MKI67: variants seen among roughly 807,000 people sequenced by gnomAD.
MKI67 encodes the protein marker of proliferation Ki-67, also known as proliferation marker protein Ki-67.
A neutral mutation model predicts 233.5 loss-of-function variants in MKI67; 152 were observed. That is an observed-to-expected ratio of 0.65 (90% CI 0.57 to 0.74). MKI67 has a LOEUF of 0.74. MKI67 is among the 30% of genes least tolerant of loss of function. MKI67 has a pLI of 0.00. For synonymous variants in MKI67, 1,465 were observed against 1,418.5 expected (o/e 1.03, Z -0.74); for missense variants, 3,940 against 3,885.2 (o/e 1.01, Z -0.37).
At position 128,099,030 on chromosome 10, in the gene MKI67, G is replaced by A. The variant is rs1444056706; in HGVS notation, c.*160C>T. The A allele has an allele frequency of 5.4e-6, 3 of 557,278 alleles. No individual in the cohort carries two copies. The highest frequency in any genetic ancestry group is 3.9e-5 in the African/African-American group (2 of 51,826). The allele number at this position is 557,278 out of a possible 1,614,324, so 34.5% of individuals were successfully genotyped here. On this transcript the variant is annotated 3_prime_UTR_variant, in exon 15 of 15. Transcript: ENST00000368654. Reference sequence around the variant, plus strand: ...GGAGCCCAGCAGTGCTCCCAGTGGAGTTTATGAAGCCGATTCAGACCCAGC... The same window carrying A: ...GGAGCCCAGCAGTGCTCCCAGTGGAATTTATGAAGCCGATTCAGACCCAGC...
At position 128,103,805 on chromosome 10, in the gene MKI67, G is replaced by A. The variant is rs999853188; in HGVS notation, c.8035C>T (p.Leu2679=). 2 of 1,613,974 alleles carry A rather than the reference G, an allele frequency of 1.2e-6. No homozygotes were observed. Among genetic ancestry groups the A allele is most frequent in the Non-Finnish European group, 1.7e-6 (2 of 1,179,996 alleles). ...TCAGAGAGCTCTGTGAAGCCGGCCA[G>A]GTCTTCCAGGGGTTGGGCCTTTTCC... ...PKEKAQPLED[L]AGFTELSETS... is the part of the protein sequence containing the mutation. The change falls in exon 13 of 15, where the codon CTG becomes TTG. Residue 2679 remains leucine, a synonymous_variant. Coordinates refer to ENST00000368654, the MANE Select transcript of MKI67 (RefSeq NM_002417.5).
At position 128,103,647 on chromosome 10, in the gene MKI67, T is replaced by C. The variant is rs1473147346; in HGVS notation, c.8193A>G (p.Val2731=). ...CTGCTGAAGGCTCTTCTTTTACTTG[T>C]ACCTTCTGCACACGTGTCCTGAGAT... ...KRHLRTRVQK[V]QVKEEPSAVK... Residue 2731 remains valine (V), a synonymous_variant, in exon 13 of 15, where the codon GTA becomes GTG. Transcript: ENST00000368654. 2 of 1,614,196 alleles carry C rather than the reference T, an allele frequency of 1.2e-6. No homozygotes were observed.
At chr10:128,101,752 C>T in intron 13 of MKI67, 51 bp from the exon 14 acceptor site, 1 of 1,425,058 alleles carries the variant, frequency 7.0e-7, no homozygotes, top group African/African-American at 1.4e-5. Context: ...GTAAAACAAA[C>T]TTCAAAATTC....
chr10:128,125,673 A>C lies in MKI67; in HGVS notation c.-6T>G, dbSNP rs763373863. The stretch of plus-strand genomic sequence containing the variant: ...AGGCGTCTCGTGGGCCACATTTTCT[A>C]AACAGTAAGTTGAGTATAATCCGTA... On this transcript the variant is annotated 5_prime_UTR_variant, in exon 2 of 15. Coordinates refer to ENST00000368654, the MANE Select transcript of MKI67 (RefSeq NM_002417.5). The surrounding 1 kb of genome is among the most constrained non-coding windows in gnomAD (Gnocchi z 5.3). 3.7e-6 allele frequency: 6 copies of C among 1,612,854 alleles called. No homozygotes were observed. The highest frequency in any genetic ancestry group is 2.5e-6 in the Non-Finnish European group (3 of 1,179,044).
intron 4 of MKI67, among the ~76,000 whole-genome samples, chr10:128,120,060 G>C (rs2136149655): frequency 6.6e-6 from 1 of 152,338 alleles, no homozygotes; most frequent in Admixed American, 6.5e-5. Context: ...TCATGGTAGA[G>C]AGTTTGGAAT....
chr10:128,103,663 G>C lies in MKI67; in HGVS notation c.8177C>G (p.Thr2726Arg). ...TTTTACTTGTACCTTCTGCACACGT[G>C]TCCTGAGATGCCTCTTTGTGCTTGC... The part of the protein sequence containing the change: ...TTASTKRHLR[T>R]RVQKVQVKEE... The change falls in exon 13 of 15, where the codon ACA becomes AGA. Residue 2726 changes from threonine (T) to arginine (R), a missense_variant. Coordinates refer to ENST00000368654, the MANE Select transcript of MKI67 (RefSeq NM_002417.5). The C allele has an allele frequency of 6.2e-7, 1 of 1,614,132 alleles. No homozygotes were observed. Among genetic ancestry groups the C allele is most frequent in the Non-Finnish European group, 8.5e-7 (1 of 1,180,030 alleles).
In MKI67 at chr10:128,105,806, C is replaced by T. The variant is rs1852474464; in HGVS notation, c.6034G>A (p.Val2012Ile). 6.2e-7 allele frequency: 1 copy of T among 1,614,150 alleles called. No homozygotes were observed. The highest frequency in any genetic ancestry group is 8.5e-7 in the Non-Finnish European group (1 of 1,180,036). The change falls in exon 13 of 15, where the codon GTC (valine) becomes ATC (isoleucine). Residue 2012 changes from valine (V) to isoleucine (I), a missense_variant. Physicochemically the swap from Val to Ile is conservative, Grantham distance 29. Transcript: ENST00000368654. Reference sequence around the variant, plus strand: ...TGTGTGAGCTTGCCGACTGGTAGGACCTCTTCTTTCACACCTACTTTCCCC... The same window carrying T: ...TGTGTGAGCTTGCCGACTGGTAGGATCTCTTCTTTCACACCTACTTTCCCC... ...SLGKVGVKEEVLPVGKLTQTS... is the reference protein window; with the variant it reads ...SLGKVGVKEEILPVGKLTQTS...
rs1852412974 is a variant in MKI67 at position 128,104,089 on chromosome 10, A to T, written c.7751T>A (p.Ile2584Asn). The T allele has an allele frequency of 6.2e-7, 1 of 1,613,586 alleles. No homozygotes were observed. The highest frequency in any genetic ancestry group is 8.5e-7 in the Non-Finnish European group (1 of 1,179,962). The part of the protein sequence containing the change: ...ESMTIDKNTK[I>N]PCKSPPPELT... ...TTCTGGTGGGGGAGATTTGCAGGGA[A>T]TTTTTGTGTTTTTGTCAATAGTCAT... The change falls in exon 13 of 15, where the codon ATT becomes AAT. Residue 2584 changes from isoleucine (I) to asparagine (N), a missense_variant. Coordinates refer to ENST00000368654, the MANE Select transcript of MKI67 (RefSeq NM_002417.5).
At position 128,106,652 on chromosome 10, in the gene MKI67, C is replaced by T. The variant is rs534656691; in HGVS notation, c.5188G>A (p.Glu1730Lys). The change falls in exon 13 of 15, where the codon GAA becomes AAA. Residue 1730 changes from glutamate (E) to lysine (K), a missense_variant. Transcript: ENST00000368654. ...PSHTKESMTNEKTTKVSYRAS... is the reference protein window; with the variant it reads ...PSHTKESMTNKKTTKVSYRAS... Reference sequence around the variant, plus strand: ...CTGTAGGATACTTTGGTAGTTTTTTCGTTAGTCATTGATTCCTTAGTGTGA... The same window carrying T: ...CTGTAGGATACTTTGGTAGTTTTTTTGTTAGTCATTGATTCCTTAGTGTGA... 6.2e-6 allele frequency: 10 copies of T among 1,614,098 alleles called. No homozygotes were observed. The highest frequency in any genetic ancestry group is 1.7e-5 in the Admixed American group (1 of 60,014).
chr10:128,101,858 A>G (rs1852344246), intron 13 of MKI67, among the ~76,000 whole-genome samples, 157 bp from the exon 14 acceptor site: 1 of 152,242 alleles, frequency 6.6e-6, no homozygotes, highest in Non-Finnish European at 1.5e-5. Flanking sequence ...TAGGATAGTC[A>G]AGGTAATGCC....
chr10:128,118,182 G>T (rs1475722378), intron 5 of MKI67, among the ~76,000 whole-genome samples: 1 of 152,162 alleles, frequency 6.6e-6, no homozygotes, highest in African/African-American at 2.4e-5. Flanking sequence ...TGGATCACGA[G>T]GTTAGGAGTT....
chr10:128,116,113 GC>G (rs2136146327), intron 6 of MKI67, 106 bp from the exon 7 acceptor site: 1 of 1,318,106 alleles, frequency 7.6e-7, no homozygotes, highest in South Asian at 1.5e-5. Flanking sequence ...TTATAAGCTA[GC>G]TTTTACTTGG....
chr10:128,110,284 G>A (rs1385874156), intron 12 of MKI67, 94 bp downstream of exon 12: 3 of 1,023,560 alleles, frequency 2.9e-6, no homozygotes, highest in African/African-American at 1.6e-5. Context: ...AGGAACATTT[G>A]TTTTAGAGAA....
rs925357458 is a variant in MKI67 at position 128,106,475 on chromosome 10, C to T, written c.5365G>A (p.Val1789Ile). The T allele has an allele frequency of 6.2e-7, 1 of 1,613,940 alleles. No individual in the cohort carries two copies. ...GKAMHTPKPA[V>I]GEEKDINTFL... Reference sequence around the variant, plus strand: ...GTGTTGATGTCTTTCTCTTCACCTACTGCTGGTTTGGGTGTGTGCATGGCT... The same window carrying T: ...GTGTTGATGTCTTTCTCTTCACCTATTGCTGGTTTGGGTGTGTGCATGGCT... The change falls in exon 13 of 15, where the codon GTA becomes ATA. Residue 1789 changes from valine to isoleucine, a missense_variant. Transcript: ENST00000368654.
intron 7 of MKI67, 127 bp from the exon 8 acceptor site, chr10:128,113,729 C>T (rs1852732448): frequency 3.7e-6 from 3 of 801,014 alleles, no homozygotes; most frequent in Non-Finnish European, 2.0e-6. Context: ...TACAGCACGC[C>T]TCTATTCTTG....
Position 128,103,368 on chromosome 10 carries a change from G to A in MKI67, c.8472C>T (p.Pro2824=), listed in dbSNP as rs148831284. 1 of 1,614,006 alleles carries A rather than the reference G, an allele frequency of 6.2e-7. No individual in the cohort carries two copies. The highest frequency in any genetic ancestry group is 1.3e-5 in the African/African-American group (1 of 74,902). The change falls in exon 13 of 15, where the codon CCC becomes CCT. Residue 2824 remains proline, a synonymous_variant. Coordinates refer to ENST00000368654, the MANE Select transcript of MKI67 (RefSeq NM_002417.5). ...SMTDDKTTKI[P]CKSSPELEDT... is the part of the protein sequence containing the mutation. ...CTTCTAGTTCTGGTGATGATTTGCA[G>A]GGTATTTTAGTGGTTTTGTCATCAG...
At position 128,107,654 on chromosome 10, in the gene MKI67, C is replaced by A; in HGVS notation, c.4186G>T (p.Glu1396Ter). 1 of 1,614,014 alleles carries A rather than the reference C, an allele frequency of 6.2e-7. No homozygotes were observed. ...STRRQPKTPLEKRDVQKELSA... is the reference protein window; with the variant it reads ...STRRQPKTPL ...AGCTCCTTCTGTACGTCCCTTTTCT[C>A]CAAAGGTGTCTTGGGCTGCCTTCTT... Residue 1396 changes from glutamate to a stop codon, truncating the protein, a stop_gained, in exon 13 of 15, where the codon GAG becomes TAG. Transcript: ENST00000368654. LOFTEE classifies it high-confidence loss of function.
At chr10:128,119,873 TAAG>T (rs1361671136) in intron 4 of MKI67, among the ~76,000 whole-genome samples, 10 of 152,240 alleles carry the variant, frequency 6.6e-5, no homozygotes, top group African/African-American at 2.4e-4. Context: ...AGGTACATCT[TAAG>T]AAGATCACCT....
At chr10:128,110,589 CA>C in intron 11 of MKI67, 56 bp from the exon 12 acceptor site, 1 of 1,377,900 alleles carries the variant, frequency 7.3e-7, no homozygotes, top group Non-Finnish European at 9.9e-7. Context: ...TGCAGACAAC[CA>C]TCCCAGCCCT....
Sources: gnomAD v4.1 joint callset for allele counts (sites outside exome capture counted in the v4.1 genomes callset) on GRCh38, gnomAD v4.1.1 for gene constraint, Gnocchi (gnomAD v3.1) non-coding constraint, MANE v1.5 for transcripts, NCBI Gene and HGNC (gene_info 2026-07-23, HGNC 2026-07-21) for gene names.